The following ADGRF1 variants were observed in gnomAD, a reference collection of about 807,000 sequenced individuals.
The protein encoded by ADGRF1 is adhesion G protein-coupled receptor F1.
In ADGRF1, 85 loss-of-function variants were observed where a neutral mutation model predicts 87.2. The observed-to-expected ratio is 0.97, with a 90% CI of 0.82 to 1.17. ADGRF1 has a LOEUF of 1.17. Ranked by LOEUF, ADGRF1 falls within the 50% of genes most tolerant of loss-of-function variation. ADGRF1 has a pLI of 0.00. For missense variants in ADGRF1, 1,169 were observed against 1,077.2 expected, an observed-to-expected ratio of 1.09 and a Z score of -1.19; for synonymous variants, 430 against 408.8, an observed-to-expected ratio of 1.05 and a Z score of -0.63.
intron 11 of ADGRF1, 75 bp downstream of exon 11, chr6:47,008,870 G>T (rs923242784): frequency 3.1e-6 from 4 of 1,282,794 alleles, no homozygotes; most frequent in African/African-American, 1.5e-5. Context: ...AATCTCCAGA[G>T]TGGTTTTACC....
intron 2 of ADGRF1, 72 bp downstream of exon 2, chr6:47,028,921 G>T: frequency 8.7e-7 from 1 of 1,148,102 alleles, no homozygotes; most frequent in Non-Finnish European, 1.3e-6. Flanking sequence ...TAGAGAGTGA[G>T]GGGTTCTAAA....
chr6:47,014,286 G>C, intron 9 of ADGRF1: 2 of 993,780 alleles, frequency 2.0e-6, no homozygotes, highest in Non-Finnish European at 2.4e-6. Context: ...TTCTGGTATA[G>C]ATATATCCTT....
At chr6:47,018,384 G>A (rs1388060153) in intron 7 of ADGRF1, 39 of 1,267,180 alleles carry the variant, frequency 3.1e-5, no homozygotes, top group African/African-American at 2.3e-4. Flanking sequence ...CTAATTGATC[G>A]GAAGTTCCGC....
At chr6:47,018,536 G>A (rs1315175207) in intron 7 of ADGRF1, 2 of 1,289,620 alleles carry the variant, frequency 1.6e-6, no homozygotes, top group Non-Finnish European at 2.0e-6. Flanking sequence ...CTTGTTATAG[G>A]TTTGATTTAG....
chr6:47,038,192 A>G (rs978486875), intron 1 of ADGRF1, among the ~76,000 whole-genome samples: 2 of 152,168 alleles, frequency 1.3e-5, no homozygotes, highest in Non-Finnish European at 2.9e-5. Context: ...AAGATTGGAA[A>G]ACATTCTTCT....
intron 7 of ADGRF1, chr6:47,018,566 A>C: frequency 7.8e-7 from 1 of 1,289,508 alleles, no homozygotes; most frequent in South Asian, 1.2e-5. Context: ...ACCAGGTTCC[A>C]CAGGTGTATA....
chr6:47,019,487 T>A, intron 7 of ADGRF1: 1 of 469,930 alleles, frequency 2.1e-6, no homozygotes. Flanking sequence ...ATCGAGACCA[T>A]CCTGGCTAAC....
At chr6:47,015,990 G>A (rs988234863) in intron 8 of ADGRF1, among the ~76,000 whole-genome samples, 1 of 151,994 alleles carries the variant, frequency 6.6e-6, no homozygotes, top group Non-Finnish European at 1.5e-5. Flanking sequence ...TGCCCACTCT[G>A]GCCTCCCAAA....
chr6:47,040,618 A>T (rs541057997), intron 1 of ADGRF1, among the ~76,000 whole-genome samples: 1 of 152,170 alleles, frequency 6.6e-6, no homozygotes, highest in Non-Finnish European at 1.5e-5. Context: ...TGTCCCGGGG[A>T]TGCCACTCCC....
Position 47,012,612 on chromosome 6 carries a change from A to G in ADGRF1, c.928-417T>C, listed in dbSNP as rs1003575325. The G allele has an allele frequency of 5.2e-6, 5 of 965,866 alleles. No individual in the cohort carries two copies. In the East Asian group the frequency reaches 3.3e-4, roughly 64 times the overall value. 59.8% of individuals were successfully genotyped at this position (965,866 alleles called of 1,614,324 possible). A position where few individuals can be genotyped will look rare whatever the true frequency, so the allele number is the denominator to read the frequency against. On this transcript the variant is annotated intron_variant, in intron 9 of 14. Transcript: ENST00000371253. ...AATGAGATTTAATGACCTTCCAAAG[A>G]GCACTCAGCGGAAAATGTTAGGGTA...
chr6:47,012,150 A>G lies in ADGRF1; in HGVS notation c.973T>C (p.Ser325Pro), dbSNP rs1451214070. The change falls in exon 10 of 15, where the codon TCC becomes CCC. Residue 325 changes from serine (S) to proline (P), a missense_variant. By Grantham distance (74) the Ser-to-Pro change is moderately conservative. Transcript: ENST00000371253. ...VGNATEAAVS[S>P]FVQNLSVIIR... ...ATGACAGAAAGATTTTGCACGAAGG[A>G]TGACACAGCTGCCTCAGTGGCATTG... 1.2e-6 allele frequency: 2 copies of G among 1,613,914 alleles called. No homozygotes were observed. Among genetic ancestry groups the G allele is most frequent in the African/African-American group, 1.3e-5 (1 of 74,928 alleles).
chr6:47,026,166 G>A (rs1042153497), intron 3 of ADGRF1, among the ~76,000 whole-genome samples, 163 bp from the exon 4 acceptor site: 17 of 152,132 alleles, frequency 1.1e-4, no homozygotes, highest in African/African-American at 3.6e-4. Context: ...TGAACACTGA[G>A]GGTAAACACA....
chr6:47,028,662 T>A (rs1325182928), intron 2 of ADGRF1, among the ~76,000 whole-genome samples: 1 of 152,138 alleles, frequency 6.6e-6, no homozygotes, highest in African/African-American at 2.4e-5. Context: ...AGACAGTGTC[T>A]AAGGATTGCT....
In ADGRF1 at chr6:47,025,763, G is replaced by A. The variant is rs939937970; in HGVS notation, c.277+91C>T. On this transcript the variant is annotated intron_variant, in intron 4 of 14. Coordinates refer to ENST00000371253, the MANE Select transcript of ADGRF1 (RefSeq NM_153840.4). ...TTCTTTTAAATCACAGAGATTGTAG[G>A]GATGATTGTTTCCACAGCATAACCC... The A allele has an allele frequency of 4.2e-5, 46 of 1,093,100 alleles. No homozygotes were observed. The African/African-American group carries it at 7.2e-4, about 17-fold the overall frequency. The allele number at this position is 1,093,100 out of a possible 1,614,324, so 67.7% of individuals were successfully genotyped here. A position where few individuals can be genotyped will look rare whatever the true frequency, so the allele number is the denominator to read the frequency against.
At chr6:47,018,672 G>T in intron 7 of ADGRF1, 2 of 1,163,174 alleles carry the variant, frequency 1.7e-6, no homozygotes, top group Non-Finnish European at 2.3e-6. Flanking sequence ...AGCACTTTGG[G>T]AGGCCAAGGT....
rs1320089065 is a variant in ADGRF1 at position 47,009,652 on chromosome 6, T to C, written c.1783A>G (p.Ile595Val). ...CATAAAATGAGACTTCCAATGGAGA[T>C]ACCCAGTCCCACATAGGTGATCCAT... ...VKWITYVGLG[I>V]SIGSLILCLI... Residue 595 changes from isoleucine to valine, a missense_variant, in exon 11 of 15, where the codon ATC becomes GTC. Physicochemically the swap from Ile to Val is conservative, Grantham distance 29. Transcript: ENST00000371253. The C allele has an allele frequency of 3.7e-6, 6 of 1,614,092 alleles. No homozygotes were observed. Among genetic ancestry groups the C allele is most frequent in the African/African-American group, 2.7e-5 (2 of 74,942 alleles).
chr6:47,017,456 T>A (rs925217662), intron 7 of ADGRF1: 4 of 152,178 alleles, frequency 2.6e-5, no homozygotes, highest in Admixed American at 1.3e-4. Context: ...TGGGTAGCTA[T>A]GCATGTGGTC....
rs1402632685 is a variant in ADGRF1, at chr6:46,997,908, G to A, written c.*2314C>T. On this transcript the variant is annotated 3_prime_UTR_variant, in exon 15 of 15. Transcript: ENST00000371253. ...TCCAGTTGTATGCCAACATACTCAG[G>A]TAAGAGCAACATTTTGGTCATTTTA... is the stretch of plus-strand genomic sequence containing the variant. The A allele has an allele frequency of 1.3e-5, 2 of 152,122 alleles. No individual in the cohort carries two copies. The highest frequency in any genetic ancestry group is 2.9e-5 in the Non-Finnish European group (2 of 68,010). The allele number at this position is 152,122 out of a possible 1,614,324, so 9.4% of individuals were successfully genotyped here. A position where few individuals can be genotyped will look rare whatever the true frequency, so the allele number is the denominator to read the frequency against.
intron 14 of ADGRF1, among the ~76,000 whole-genome samples, chr6:47,001,261 T>C (rs1463556138): frequency 6.6e-6 from 1 of 152,172 alleles, no homozygotes; most frequent in Non-Finnish European, 1.5e-5. Context: ...ACTTGGGAAA[T>C]AGAGATAATT....
Sources: allele counts gnomAD v4.1 joint callset (sites outside exome capture counted in the v4.1 genomes callset), GRCh38; gene constraint gnomAD v4.1.1; transcripts MANE v1.5; gene names NCBI Gene and HGNC (gene_info 2026-07-23, HGNC 2026-07-21).